Variants in PRDM2 observed in about 807,000 individuals in gnomAD.
PRDM2 encodes the protein PR domain zinc finger protein 2.
A neutral mutation model predicts 130.0 loss-of-function variants in PRDM2; 30 were observed. That is an observed-to-expected ratio of 0.23 (90% CI 0.17 to 0.31). PRDM2 has a LOEUF of 0.31. Ranked by LOEUF, PRDM2 falls within the 10% of genes least tolerant of loss-of-function variation. The pLI is 1.00. For synonymous variants in PRDM2, 871 were observed against 782.4 expected (o/e 1.11, Z -1.89); for missense variants, 2,011 against 2,108.4 (o/e 0.95, Z 0.90).
In PRDM2 at chr1:13,786,574, C is replaced by A. The variant is rs369562182; in HGVS notation, c.5036+3743C>A. On this transcript the variant is annotated intron_variant, in intron 8 of 9. Transcript: ENST00000311066. The stretch of plus-strand genomic sequence containing the variant: ...AACCTTAATTGACTAAAAAGTATTG[C>A]ATGCTCAACTTAGGATAAGCACTAC... 18 of 1,604,036 alleles carry A rather than the reference C, an allele frequency of 1.1e-5. No homozygotes were observed. The African/African-American group carries it at 2.1e-4, about 19-fold the overall frequency.
At chr1:13,810,688 G>A (rs990256694) in intron 8 of PRDM2, among the ~76,000 whole-genome samples, 2 of 151,600 alleles carry the variant, frequency 1.3e-5, no homozygotes, top group African/African-American at 2.4e-5. Flanking sequence ...TAGAGACGGG[G>A]TTTCACTGTG....
At chr1:13,822,743 A>G (rs911188246) in intron 9 of PRDM2, among the ~76,000 whole-genome samples, 1 of 152,168 alleles carries the variant, frequency 6.6e-6, no homozygotes, top group South Asian at 2.1e-4. Flanking sequence ...GGTTGAAAAC[A>G]TCAACCACAC....
At chr1:13,743,224 C>G (rs1379169693) in intron 5 of PRDM2, among the ~76,000 whole-genome samples, 1 of 151,780 alleles carries the variant, frequency 6.6e-6, no homozygotes, top group Admixed American at 6.6e-5. Flanking sequence ...ATGGTGAAAC[C>G]CCGTCTCTAC....
chr1:13,778,442 C>T lies in PRDM2; in HGVS notation c.647C>T (p.Pro216Leu), dbSNP rs1187303943. The T allele has an allele frequency of 4.3e-6, 7 of 1,611,374 alleles. No individual in the cohort carries two copies. The highest frequency in any genetic ancestry group is 4.0e-5 in the African/African-American group (3 of 74,696). Residue 216 changes from proline (P) to leucine (L), a missense_variant, in exon 8 of 10, where the codon CCT becomes CTT. Pro to Leu is a moderately conservative substitution (Grantham distance 98). Around this residue, in one of 5 missense-constraint regions of PRDM2, gnomAD observed 1,288 missense variants for 1,237.7 expected, o/e 1.04. Transcript: ENST00000311066. ...GGTCCTAAAGAAGACGAAGAGAAGC[C>T]TTCAGCCTCAGCACTTGAGCAGCCG... is the stretch of plus-strand genomic sequence containing the variant. ...AEGPKEDEEK[P>L]SASALEQPAT...
intron 8 of PRDM2, among the ~76,000 whole-genome samples, chr1:13,813,328 G>A (rs1645204176): frequency 2.0e-5 from 3 of 152,120 alleles, no homozygotes; most frequent in African/African-American, 7.2e-5. Flanking sequence ...CGGAGCCTTG[G>A]TCCTCGGTAT....
chr1:13,806,252 G>C lies in PRDM2; in HGVS notation c.5037-10175G>C, dbSNP rs1302956053. 1.4e-5 allele frequency among the ~76,000 whole-genome samples: 2 copies of C among 140,290 alleles called. No individual in the cohort carries two copies. The highest frequency in any genetic ancestry group is 4.3e-4 in the East Asian group (2 of 4,652). 92.0% of individuals were successfully genotyped at this position (140,290 alleles called of 152,430 possible). ...CCCCGCATCCCGCCTCCATCCCTGG[G>C]CTCTGTCCCCCGCATCCCGCCTCCA... On this transcript the variant is annotated intron_variant, in intron 8 of 9. Transcript: ENST00000311066. This position sits in a 1 kb window ranked among gnomAD's most constrained non-coding sequence, Gnocchi z 4.1.
At chr1:13,737,688 G>C (rs1438923894) in intron 4 of PRDM2, among the ~76,000 whole-genome samples, 7 of 152,158 alleles carry the variant, frequency 4.6e-5, no homozygotes, top group Non-Finnish European at 8.8e-5. Flanking sequence ...AGGAACTGTA[G>C]GACAGACAAG....
chr1:13,731,226 T>G, intron 3 of PRDM2, 109 bp downstream of exon 3: 2 of 802,824 alleles, frequency 2.5e-6, no homozygotes, highest in Non-Finnish European at 4.1e-6. Context: ...AGCAGCAATT[T>G]ACCCTTGACT....
chr1:13,811,679 T>G (rs1228426005), intron 8 of PRDM2, among the ~76,000 whole-genome samples: 1 of 152,060 alleles, frequency 6.6e-6, no homozygotes, highest in Non-Finnish European at 1.5e-5. Context: ...TCTTCTAGTG[T>G]TGAAGGAGTA....
At chr1:13,769,561 G>T (rs1041459880) in intron 6 of PRDM2, among the ~76,000 whole-genome samples, 4 of 152,118 alleles carry the variant, frequency 2.6e-5, no homozygotes, top group African/African-American at 7.2e-5. Flanking sequence ...TCTAGTCCAA[G>T]GCCCTCACGA....
chr1:13,816,195 A>C (rs943175817), intron 8 of PRDM2, among the ~76,000 whole-genome samples: 3 of 152,180 alleles, frequency 2.0e-5, no homozygotes, highest in Non-Finnish European at 2.9e-5. Context: ...TGCTTCTGCG[A>C]TCGCCTCCGA....
At position 13,787,295 on chromosome 1, in the gene PRDM2, G is replaced by A. The variant is rs528228639; in HGVS notation, c.5036+4464G>A. On this transcript the variant is annotated intron_variant, in intron 8 of 9. Transcript: ENST00000311066. ...GGCCTGTACAGATGTATGTCTACAC[G>A]TAAGTATAAATGAATTTGCATACCA... 2.4e-4 allele frequency: 240 copies of A among 983,968 alleles called. 1 individual carries two copies. In the Middle Eastern group the frequency reaches 2.6e-3, roughly 11 times the overall value. 61.0% of individuals were successfully genotyped at this position (983,968 alleles called of 1,614,324 possible).
In PRDM2 at chr1:13,816,718, G is replaced by C. The variant is rs2100768906; in HGVS notation, c.*23+148G>C. 3 of 1,130,514 alleles carry C rather than the reference G, an allele frequency of 2.7e-6. No individual in the cohort carries two copies. The South Asian group carries it at 4.9e-5, about 18-fold the overall frequency. 70.0% of individuals were successfully genotyped at this position (1,130,514 alleles called of 1,614,324 possible). On this transcript the variant is annotated intron_variant, in intron 9 of 9. Transcript: ENST00000311066. The stretch of plus-strand genomic sequence containing the variant: ...CACGGTGCAGGGCCTCCCTCCAGGA[G>C]GGCACTTAGCTGAGTGCAGACTCCG...
intron 8 of PRDM2, among the ~76,000 whole-genome samples, chr1:13,793,202 C>A (rs1454341630): frequency 6.6e-6 from 1 of 152,236 alleles, no homozygotes; most frequent in Non-Finnish European, 1.5e-5. Context: ...ACAGAGTGAC[C>A]AGCTTCCTGG....
rs757581256 is a variant in PRDM2, at chr1:13,780,138, A to C, written c.2343A>C (p.Ser781=). ...CCAAATTAGAAAGTCACAGCGACTC[A>C]CCAGCATGGAGTTTGTCTGGGAGAG... The part of the protein sequence containing the change: ...KKSKLESHSD[S]PAWSLSGRDE... The change falls in exon 8 of 10, where the codon TCA becomes TCC. Residue 781 remains serine (S), a synonymous_variant. Transcript: ENST00000311066. 2 of 1,609,648 alleles carry C rather than the reference A, an allele frequency of 1.2e-6. No individual in the cohort carries two copies. The highest frequency in any genetic ancestry group is 2.2e-5 in the South Asian group (2 of 90,686).
chr1:13,775,086 C>G (rs1644446560), intron 7 of PRDM2, among the ~76,000 whole-genome samples: 1 of 152,182 alleles, frequency 6.6e-6, no homozygotes, highest in African/African-American at 2.4e-5. Flanking sequence ...AGCAAATGGT[C>G]TATACCATGA....
At position 13,731,031 on chromosome 1, in the gene PRDM2, C is replaced by A; in HGVS notation, c.41C>A (p.Thr14Asn). Residue 14 changes from threonine (T) to asparagine (N), a missense_variant, in exon 3 of 10, where the codon ACC becomes AAC. Thr to Asn is a moderately conservative substitution (Grantham distance 65, BLOSUM62 0). Around this residue, in one of 5 missense-constraint regions of PRDM2, gnomAD observed 79 missense variants for 93.6 expected, o/e 0.84. Transcript: ENST00000311066. ...NTTEPVAATETLAEVPEHVLR... is the reference protein window; with the variant it reads ...NTTEPVAATENLAEVPEHVLR... The stretch of plus-strand genomic sequence containing the variant: ...ACTGAGCCTGTGGCGGCCACCGAGA[C>A]CCTGGCTGAGGTACCCGAACATGTG... 1.2e-6 allele frequency: 2 copies of A among 1,612,256 alleles called. No individual in the cohort carries two copies. Among genetic ancestry groups the A allele is most frequent in the South Asian group, 2.2e-5 (2 of 91,010 alleles).
chr1:13,780,971 C>T lies in PRDM2; in HGVS notation c.3176C>T (p.Ser1059Phe), dbSNP rs1644599304. 3.7e-6 allele frequency: 6 copies of T among 1,602,926 alleles called. No homozygotes were observed. In the East Asian group the frequency reaches 1.3e-4, roughly 36 times the overall value. ...PTLSSSSSSS[S>F]SSSSFSSSSS... Reference sequence around the variant, plus strand: ...CTTTCTTCTTCCTCCTCTTCATCTTCCTCCTCCTCTTCGTTTTCTTCTTCA... The same window carrying T: ...CTTTCTTCTTCCTCCTCTTCATCTTTCTCCTCCTCTTCGTTTTCTTCTTCA... Residue 1059 changes from serine (S) to phenylalanine (F), a missense_variant, in exon 8 of 10, where the codon TCC (serine) becomes TTC (phenylalanine). Around this residue, in one of 5 missense-constraint regions of PRDM2, gnomAD observed 1,288 missense variants for 1,237.7 expected, o/e 1.04. Coordinates refer to ENST00000311066, the MANE Select transcript of PRDM2 (RefSeq NM_001393986.1).
intron 6 of PRDM2, among the ~76,000 whole-genome samples, chr1:13,766,575 T>A (rs1644231852): frequency 6.6e-6 from 1 of 152,100 alleles, no homozygotes; most frequent in African/African-American, 2.4e-5. Flanking sequence ...CCTTGGTGAG[T>A]TGGTATCAGC....
Sources: gnomAD v4.1 joint callset for allele counts (sites outside exome capture counted in the v4.1 genomes callset) on GRCh38, gnomAD v4.1.1 for gene constraint, gnomAD v4.1.1 regional missense constraint, Gnocchi (gnomAD v3.1) non-coding constraint, MANE v1.5 for transcripts, NCBI Gene and HGNC (gene_info 2026-07-23, HGNC 2026-07-21) for gene names.